MAPK10: variants seen among roughly 807,000 people sequenced by gnomAD.
MAPK10 encodes mitogen-activated protein kinase 10.
Under a neutral mutation model 59.3 loss-of-function variants are expected in MAPK10, and 25 were observed. The ratio of observed to expected loss-of-function variants is 0.42; its 90% confidence interval spans 0.31 to 0.59. MAPK10 has a LOEUF of 0.59. MAPK10 is among the 20% of genes least tolerant of loss of function. MAPK10 has a pLI of 0.15. For synonymous variants in MAPK10, 190 were observed against 200.5 expected (o/e 0.95, Z 0.44); for missense variants, 351 against 568.9 (o/e 0.62, Z 3.90).
chr4:86,116,409 A>T (rs934095221), intron 4 of MAPK10, among the ~76,000 whole-genome samples: 3 of 152,242 alleles, frequency 2.0e-5, no homozygotes, highest in Non-Finnish European at 1.5e-5. Context: ...TGTGTATAAG[A>T]ATATTGTCTA....
At chr4:86,284,419 T>G (rs1236070626) in intron 2 of MAPK10, among the ~76,000 whole-genome samples, 1 of 152,206 alleles carries the variant, frequency 6.6e-6, no homozygotes, top group African/African-American at 2.4e-5. Flanking sequence ...TTTATTCCTC[T>G]GAACGACTTC....
At position 86,017,388 on chromosome 4, in the gene MAPK10, A is replaced by C; in HGVS notation, c.1253-18T>G. ...TGCTGCACCTGTGCTAAGAAAATGA[A>C]GACCAACATGACTCAATCTAGAACC... is the stretch of plus-strand genomic sequence containing the variant. On this transcript the variant is annotated intron_variant, in intron 13 of 13. Coordinates refer to ENST00000641462, the MANE Select transcript of MAPK10 (RefSeq NM_138982.4). This position sits in a 1 kb window ranked among gnomAD's most constrained non-coding sequence, Gnocchi z 4.4. 6.2e-7 allele frequency: 1 copy of C among 1,613,716 alleles called. No individual in the cohort carries two copies. Among genetic ancestry groups the C allele is most frequent in the Non-Finnish European group, 8.5e-7 (1 of 1,179,760 alleles).
At chr4:86,545,211 T>C (rs528360149) in intron 1 of MAPK10, among the ~76,000 whole-genome samples, 1 of 152,364 alleles carries the variant, frequency 6.6e-6, no homozygotes, top group East Asian at 1.9e-4. Context: ...GTGCAAGGAC[T>C]TGTTTACATG....
At chr4:86,375,370 G>A (rs1417355106) in intron 1 of MAPK10, among the ~76,000 whole-genome samples, 1 of 152,124 alleles carries the variant, frequency 6.6e-6, no homozygotes, top group Admixed American at 6.6e-5. Context: ...AGAGCTTGCA[G>A]TGATGAATTT....
chr4:86,322,765 T>C (rs1287566440), intron 2 of MAPK10, among the ~76,000 whole-genome samples: 1 of 152,226 alleles, frequency 6.6e-6, no homozygotes, highest in African/African-American at 2.4e-5. Context: ...CCTGGGGTTT[T>C]TAAAGCTAAT....
intron 9 of MAPK10, among the ~76,000 whole-genome samples, chr4:86,083,744 C>A (rs1663388975): frequency 6.6e-6 from 1 of 152,132 alleles, no homozygotes; most frequent in Non-Finnish European, 1.5e-5. Context: ...GCTGGCATCA[C>A]CCCTCCTCTA....
In MAPK10 at chr4:86,011,781, A is replaced by T. The variant is rs2148882207; in HGVS notation, c.*5447T>A. On this transcript the variant is annotated 3_prime_UTR_variant, in exon 14 of 14. Coordinates refer to ENST00000641462, the MANE Select transcript of MAPK10 (RefSeq NM_138982.4). The stretch of plus-strand genomic sequence containing the variant: ...GGAACTAGGTAAAACGATAAATGTG[A>T]TAACTCAAAATAATGTGTATGTTTA... 1 of 152,324 alleles carries T rather than the reference A, an allele frequency of 6.6e-6. No homozygotes were observed. Among genetic ancestry groups the T allele is most frequent in the South Asian group, 2.1e-4 (1 of 4,818 alleles). The allele number at this position is 152,324 out of a possible 1,614,324, so 9.4% of individuals were successfully genotyped here.
intron 4 of MAPK10, among the ~76,000 whole-genome samples, chr4:86,139,042 C>A (rs1295132159): frequency 8.6e-6 from 1 of 116,850 alleles, no homozygotes; most frequent in African/African-American, 2.6e-5. Context: ...AGGATACAAA[C>A]AAATGGAAGA....
intron 1 of MAPK10, among the ~76,000 whole-genome samples, chr4:86,569,723 C>A (rs1761321010): frequency 6.6e-6 from 1 of 152,116 alleles, no homozygotes; most frequent in South Asian, 2.1e-4. Context: ...ACCACATGCT[C>A]TCACTTATAT....
chr4:86,451,185 A>G (rs1750666205), intron 1 of MAPK10, among the ~76,000 whole-genome samples: 1 of 152,196 alleles, frequency 6.6e-6, no homozygotes, highest in Admixed American at 6.5e-5. Flanking sequence ...CTCTACAAAT[A>G]AATAGGGTTG....
At chr4:86,421,472 T>G (rs1354016764) in intron 1 of MAPK10, among the ~76,000 whole-genome samples, 1 of 152,206 alleles carries the variant, frequency 6.6e-6, no homozygotes, top group East Asian at 1.9e-4. Flanking sequence ...AGCGCCCCCT[T>G]GCACACTCAC....
chr4:86,415,538 A>C (rs1447741110), intron 1 of MAPK10, among the ~76,000 whole-genome samples: 2 of 152,232 alleles, frequency 1.3e-5, no homozygotes, highest in East Asian at 3.9e-4. Context: ...GGTAGCAAGC[A>C]GGCATTTTAC....
At chr4:86,212,575 G>A (rs114809359) in intron 2 of MAPK10, among the ~76,000 whole-genome samples, 4,522 of 152,076 alleles carry the variant, frequency 0.03, 92 homozygotes, top group South Asian at 0.041. Flanking sequence ...AGAGAACAGG[G>A]ATGGTTATAC....
chr4:86,164,279 C>T (rs1228972712), intron 3 of MAPK10, among the ~76,000 whole-genome samples: 1 of 152,068 alleles, frequency 6.6e-6, no homozygotes, highest in Non-Finnish European at 1.5e-5. Context: ...AACAATAAAA[C>T]CATTAAATCC....
intron 5 of MAPK10, 84 bp downstream of exon 5, chr4:86,107,139 C>A: frequency 9.1e-7 from 1 of 1,098,600 alleles, no homozygotes; most frequent in Non-Finnish European, 1.3e-6. Flanking sequence ...CAAAGAAAGC[C>A]TTTCTTACTC....
At chr4:86,139,905 T>G (rs1044341677) in intron 4 of MAPK10, among the ~76,000 whole-genome samples, 14 of 147,936 alleles carry the variant, frequency 9.5e-5, no homozygotes, top group Non-Finnish European at 1.9e-4. Context: ...AAGAAGACAT[T>G]TATGCAGCCA....
chr4:86,557,082 G>T (rs1760324584), intron 1 of MAPK10, among the ~76,000 whole-genome samples: 1 of 151,736 alleles, frequency 6.6e-6, no homozygotes, highest in African/African-American at 2.4e-5. Flanking sequence ...TTAATTCCAT[G>T]GCTATCAATC....
intron 2 of MAPK10, among the ~76,000 whole-genome samples, chr4:86,286,873 C>T (rs1231504077): frequency 6.6e-6 from 1 of 152,142 alleles, no homozygotes; most frequent in East Asian, 1.9e-4. Flanking sequence ...TCAAGCCTCA[C>T]AGAAGAGAAG....
chr4:86,552,522 G>GAAGGA (rs1459923377), intron 1 of MAPK10, among the ~76,000 whole-genome samples: 4 of 136,602 alleles, frequency 2.9e-5, no homozygotes, highest in Non-Finnish European at 6.5e-5. Context: ...AGGAAGGAAG[G>GAAGGA]AAGGAAGGAA....
Sources: gnomAD v4.1 joint callset for allele counts (sites outside exome capture counted in the v4.1 genomes callset) on GRCh38, gnomAD v4.1.1 for gene constraint, Gnocchi (gnomAD v3.1) non-coding constraint, MANE v1.5 for transcripts, NCBI Gene and HGNC (gene_info 2026-07-23, HGNC 2026-07-21) for gene names.